PDZD8: variants seen among roughly 807,000 people sequenced by gnomAD.
PDZD8 encodes the protein PDZ domain containing 8, also known as PDZ domain-containing protein 8.
Under a neutral mutation model 85.8 loss-of-function variants are expected in PDZD8, and 14 were observed. The ratio of observed to expected loss-of-function variants is 0.16; its 90% confidence interval spans 0.11 to 0.26. The LOEUF (loss-of-function observed/expected upper bound fraction) is 0.26, where lower values mean the gene tolerates loss of function less well. PDZD8 is among the 10% of genes least tolerant of loss of function. PDZD8 has a pLI of 1.00. For synonymous variants in PDZD8, 592 were observed against 568.6 expected, an observed-to-expected ratio of 1.04 and a Z score of -0.59; for missense variants, 1,197 against 1,424.3, an observed-to-expected ratio of 0.84 and a Z score of 2.57.
chr10:117,314,523 A>T (rs1844090957), intron 3 of PDZD8, among the ~76,000 whole-genome samples: 1 of 152,142 alleles, frequency 6.6e-6, no homozygotes, highest in African/African-American at 2.4e-5. Context: ...GCTTCTCCCC[A>T]ACTGTTAGCT....
At chr10:117,319,117 A>G (rs889201226) in intron 2 of PDZD8, 143 bp from the exon 3 acceptor site, 1 of 627,186 alleles carries the variant, frequency 1.6e-6, no homozygotes, top group Non-Finnish European at 2.8e-6. Flanking sequence ...TAAGTCAAAT[A>G]TTTTATACAC....
intron 1 of PDZD8, among the ~76,000 whole-genome samples, chr10:117,344,183 C>T (rs1844664800): frequency 6.6e-6 from 1 of 152,204 alleles, no homozygotes; most frequent in Non-Finnish European, 1.5e-5. Flanking sequence ...CCCTGCTGAT[C>T]TGCTCCCCAG....
chr10:117,317,673 T>C (rs1279149503), intron 3 of PDZD8, among the ~76,000 whole-genome samples: 1 of 152,204 alleles, frequency 6.6e-6, no homozygotes, highest in East Asian at 1.9e-4. Context: ...CAATAATGCT[T>C]CTTCATGTAG....
At chr10:117,292,278 T>G (rs1019592292) in intron 3 of PDZD8, among the ~76,000 whole-genome samples, 2 of 152,294 alleles carry the variant, frequency 1.3e-5, no homozygotes, top group African/African-American at 4.8e-5. Context: ...CCAAAACACG[T>G]AATTTGTGTT....
At chr10:117,306,500 G>A (rs1319496527) in intron 3 of PDZD8, among the ~76,000 whole-genome samples, 1 of 152,130 alleles carries the variant, frequency 6.6e-6, no homozygotes, top group African/African-American at 2.4e-5. Flanking sequence ...CAACAGAGTA[G>A]AACACTCTTG....
At chr10:117,351,610 T>A (rs1401786396) in intron 1 of PDZD8, among the ~76,000 whole-genome samples, 1 of 152,198 alleles carries the variant, frequency 6.6e-6, no homozygotes. Flanking sequence ...TTTGTAGACA[T>A]TCATGGAGCT....
Position 117,279,426 on chromosome 10 carries a change from C to G in PDZD8, c.*3842G>C, listed in dbSNP as rs909328483. ...AAGTTTACTTAATAAATCTTCTGAA[C>G]CATGTTTTGTGCCTGTTTGTATTCC... On this transcript the variant is annotated 3_prime_UTR_variant, in exon 5 of 5. Coordinates refer to ENST00000334464, the MANE Select transcript of PDZD8 (RefSeq NM_173791.5). The G allele has an allele frequency of 2.6e-5, 4 of 152,146 alleles. No individual in the cohort carries two copies. The highest frequency in any genetic ancestry group is 2.6e-4 in the Admixed American group (4 of 15,286). 9.4% of individuals were successfully genotyped at this position (152,146 alleles called of 1,614,324 possible).
At chr10:117,318,531 T>A (rs981252333) in intron 3 of PDZD8, among the ~76,000 whole-genome samples, 1 of 152,132 alleles carries the variant, frequency 6.6e-6, no homozygotes, top group Admixed American at 6.6e-5. Context: ...TCATAAAATA[T>A]CTGTCCAATG....
intron 1 of PDZD8, among the ~76,000 whole-genome samples, chr10:117,359,990 CA>C (rs35711236): frequency 2.7e-5 from 4 of 149,768 alleles, no homozygotes; most frequent in Non-Finnish European, 4.5e-5. Context: ...AATACTGTTA[CA>C]AAAAAAAAAT....
At chr10:117,286,710 G>T (rs1208500032) in intron 4 of PDZD8, among the ~76,000 whole-genome samples, 1 of 152,068 alleles carries the variant, frequency 6.6e-6, no homozygotes, top group African/African-American at 2.4e-5. Context: ...GGTCCTGTTG[G>T]TCTCCTGATA....
At chr10:117,297,837 A>C (rs1004982928) in intron 3 of PDZD8, among the ~76,000 whole-genome samples, 2 of 152,154 alleles carry the variant, frequency 1.3e-5, no homozygotes, top group Non-Finnish European at 2.9e-5. Flanking sequence ...CTGTACCCTT[A>C]GTAAATTTTA....
At chr10:117,285,727 A>G in intron 4 of PDZD8, 1 of 1,156,254 alleles carries the variant, frequency 8.6e-7, no homozygotes, top group Admixed American at 4.3e-5. Flanking sequence ...AGGATCCCAA[A>G]AAGAGTGCCA....
chr10:117,306,968 T>A (rs2133790855), intron 3 of PDZD8, among the ~76,000 whole-genome samples: 1 of 152,268 alleles, frequency 6.6e-6, no homozygotes, highest in East Asian at 1.9e-4. Context: ...GGGATAATAC[T>A]ATTATCTAAT....
Position 117,307,963 on chromosome 10 carries a change from G to A in PDZD8, c.1098+10909C>T, listed in dbSNP as rs17096095. On this transcript the variant is annotated intron_variant, in intron 3 of 4. Transcript: ENST00000334464. ...CACATTTACAGCAAAATGCAAATGG[G>A]TGAAACTAGAGATGTCAAATAGTGA... is the stretch of plus-strand genomic sequence containing the variant. Among the ~76,000 whole-genome samples, 1,081 of 152,142 alleles carry A rather than the reference G, an allele frequency of 7.1e-3. 7 individuals are homozygous for A. The highest frequency in any genetic ancestry group is 0.024 in the African/African-American group (1,014 of 41,528).
At chr10:117,344,798 C>T (rs746969456) in intron 1 of PDZD8, among the ~76,000 whole-genome samples, 21 of 152,176 alleles carry the variant, frequency 1.4e-4, no homozygotes, top group African/African-American at 4.8e-4. Context: ...CTCATCTAGC[C>T]TCCAGTCACC....
intron 4 of PDZD8, among the ~76,000 whole-genome samples, chr10:117,288,753 C>A (rs1252627889): frequency 6.6e-6 from 1 of 152,170 alleles, no homozygotes; most frequent in Admixed American, 6.5e-5. Context: ...GGTGATCCAC[C>A]CGCCTCGGCC....
In PDZD8 at chr10:117,374,429, G is replaced by C; in HGVS notation, c.799C>G (p.Leu267Val). 1 of 1,614,236 alleles carries C rather than the reference G, an allele frequency of 6.2e-7. No individual in the cohort carries two copies. The highest frequency in any genetic ancestry group is 8.5e-7 in the Non-Finnish European group (1 of 1,180,042). Residue 267 changes from leucine to valine, a missense_variant, in exon 1 of 5, where the codon CTC becomes GTC. Transcript: ENST00000334464. This position sits in a 1 kb window ranked among gnomAD's most constrained non-coding sequence, Gnocchi z 7.8. ...AGCTGGTTGACGATGATGGAGGTGAGCTGGGGCATGGGCCGCCCTTCAAAC... is the reference window on the plus strand; with the variant it reads ...AGCTGGTTGACGATGATGGAGGTGACCTGGGGCATGGGCCGCCCTTCAAAC... Reference protein sequence around the residue: ...SQFEGRPMPQLTSIIVNQLKK... With the variant: ...SQFEGRPMPQVTSIIVNQLKK...
chr10:117,365,341 TA>T lies in PDZD8; in HGVS notation c.872+9014del, dbSNP rs1436409884. 6.6e-5 allele frequency among the ~76,000 whole-genome samples: 10 copies of T among 152,168 alleles called. 1 individual carries two copies. Among genetic ancestry groups the T allele is most frequent in the Middle Eastern group, 3.4e-3 (1 of 294 alleles). ...AAAACTCAAGATACAGTAAGTTTTT[TA>T]AAAAAAGATGCTAACAATGAAGTAT... On this transcript the variant is annotated intron_variant, in intron 1 of 4. Transcript: ENST00000334464.
chr10:117,323,909 C>T (rs1026255489), intron 2 of PDZD8, among the ~76,000 whole-genome samples: 4 of 151,956 alleles, frequency 2.6e-5, no homozygotes, highest in African/African-American at 9.7e-5. Context: ...CCAGCTTCCC[C>T]CAACTTGATG....
Sources: gnomAD v4.1 joint callset for allele counts (sites outside exome capture counted in the v4.1 genomes callset) on GRCh38, gnomAD v4.1.1 for gene constraint, Gnocchi (gnomAD v3.1) non-coding constraint, MANE v1.5 for transcripts, NCBI Gene and HGNC (gene_info 2026-07-23, HGNC 2026-07-21) for gene names.